Variants in SYN3 observed in about 807,000 individuals in gnomAD.
SYN3 encodes synapsin-3.
A neutral mutation model predicts 65.8 loss-of-function variants in SYN3; 35 were observed. The ratio of observed to expected loss-of-function variants is 0.53; its 90% CI spans 0.41 to 0.70. The LOEUF is 0.70. SYN3 is among the 30% of genes least tolerant of loss of function. The pLI, the probability that SYN3 is intolerant of heterozygous loss-of-function variation, is 0.00. For missense variants in SYN3, 680 were observed against 749.0 expected (o/e 0.91, Z 1.08); for synonymous variants, 270 against 292.9 (o/e 0.92, Z 0.80).
intron 6 of SYN3, among the ~76,000 whole-genome samples, chr22:32,851,598 AT>A (rs1398748442): frequency 6.6e-6 from 1 of 152,096 alleles, no homozygotes. Context: ...TGGGAATTAG[AT>A]GTAGGATCCC....
At chr22:32,858,121 C>T (rs2048425589) in intron 6 of SYN3, 1 of 1,614,086 alleles carries the variant, frequency 6.2e-7, no homozygotes, top group Non-Finnish European at 8.5e-7. Context: ...TCGGTATCAC[C>T]TGGGTTGTAA....
chr22:32,754,831 T>C, intron 6 of SYN3, among the ~76,000 whole-genome samples: 1 of 152,234 alleles, frequency 6.6e-6, no homozygotes, highest in East Asian at 1.9e-4. Flanking sequence ...TTTCCTGTGC[T>C]TTTCCTGGTG....
chr22:33,006,981 T>TA (rs1241368140), intron 1 of SYN3, among the ~76,000 whole-genome samples, 157 bp from the exon 2 acceptor site: 1 of 152,238 alleles, frequency 6.6e-6, no homozygotes, highest in Non-Finnish European at 1.5e-5. Flanking sequence ...GATAGCTTTT[T>TA]AACCTACAAT....
chr22:32,705,336 G>A (rs2060866764), intron 6 of SYN3, among the ~76,000 whole-genome samples: 1 of 152,094 alleles, frequency 6.6e-6, no homozygotes, highest in South Asian at 2.1e-4. Flanking sequence ...GCTTGTTTTT[G>A]TTGACTTTAT....
At chr22:32,542,649 TGTGTGC>T (rs1369056812) in intron 7 of SYN3, among the ~76,000 whole-genome samples, 13 of 149,318 alleles carry the variant, frequency 8.7e-5, no homozygotes, top group African/African-American at 3.0e-4. Context: ...TGTGTGTGTG[TGTGTGC>T]GCGCGCACAC....
At chr22:32,937,983 T>C (rs2050821990) in intron 3 of SYN3, among the ~76,000 whole-genome samples, 1 of 152,146 alleles carries the variant, frequency 6.6e-6, no homozygotes, top group African/African-American at 2.4e-5. Flanking sequence ...CCAAAGTTTT[T>C]CTACATTTAA....
intron 10 of SYN3, among the ~76,000 whole-genome samples, chr22:32,531,418 G>C (rs759134714): frequency 3.9e-5 from 6 of 152,090 alleles, no homozygotes; most frequent in Non-Finnish European, 8.8e-5. Context: ...CCCTGCAGTG[G>C]AAAACAGCCA....
At chr22:32,694,196 C>A (rs1473888645) in intron 6 of SYN3, among the ~76,000 whole-genome samples, 4 of 152,200 alleles carry the variant, frequency 2.6e-5, no homozygotes, top group Middle Eastern at 6.8e-3. Context: ...CATACTGAAA[C>A]ACCTATTTCT....
At chr22:32,970,886 T>A (rs2051999842) in intron 3 of SYN3, among the ~76,000 whole-genome samples, 1 of 152,242 alleles carries the variant, frequency 6.6e-6, no homozygotes, top group African/African-American at 2.4e-5. Context: ...GCATATATTC[T>A]GATAAATGTA....
intron 3 of SYN3, 95 bp from the exon 4 acceptor site, chr22:32,931,576 C>T (rs1479569969): frequency 2.6e-6 from 2 of 782,616 alleles, no homozygotes; most frequent in South Asian, 1.5e-5. Flanking sequence ...ACAAAGTACA[C>T]CTTTAAAGCT....
intron 6 of SYN3, chr22:32,862,916 T>A (rs1030761651): frequency 6.5e-6 from 1 of 152,678 alleles, no homozygotes; most frequent in African/African-American, 2.4e-5. Context: ...TGTTTACAGT[T>A]TTCCTCCATG....
chr22:32,718,912 C>A (rs2061077123), intron 6 of SYN3, among the ~76,000 whole-genome samples: 1 of 152,208 alleles, frequency 6.6e-6, no homozygotes, highest in Admixed American at 6.5e-5. Context: ...CCAACTTATT[C>A]TTTACCCACA....
At chr22:32,653,081 C>T (rs1399138664) in intron 6 of SYN3, among the ~76,000 whole-genome samples, 1 of 152,274 alleles carries the variant, frequency 6.6e-6, no homozygotes, top group East Asian at 1.9e-4. Context: ...TGTCTACCAT[C>T]TATACACAGG....
chr22:32,789,544 C>A (rs1047715338), intron 6 of SYN3, among the ~76,000 whole-genome samples: 6 of 152,152 alleles, frequency 3.9e-5, no homozygotes, highest in Admixed American at 1.3e-4. Flanking sequence ...ATGGGGTACT[C>A]CTAAGAAATG....
intron 5 of SYN3, among the ~76,000 whole-genome samples, chr22:32,865,668 C>T (rs377303185): frequency 1.2e-4 from 18 of 152,204 alleles, no homozygotes; most frequent in African/African-American, 4.3e-4. Flanking sequence ...CACTGCTCTC[C>T]TCCTGCTTCA....
At chr22:32,828,648 C>T (rs1032197996) in intron 6 of SYN3, among the ~76,000 whole-genome samples, 2 of 152,220 alleles carry the variant, frequency 1.3e-5, no homozygotes, top group African/African-American at 4.8e-5. Flanking sequence ...GATGCTACCT[C>T]ATGAGTTAGT....
intron 6 of SYN3, among the ~76,000 whole-genome samples, chr22:32,834,518 T>G (rs2146151008): frequency 6.6e-6 from 1 of 152,248 alleles, no homozygotes; most frequent in African/African-American, 2.4e-5. Context: ...AAGTGTCACA[T>G]GCAGCCACTG....
At chr22:32,866,985 G>A (rs150677144) in intron 5 of SYN3, among the ~76,000 whole-genome samples, 2 of 152,234 alleles carry the variant, frequency 1.3e-5, no homozygotes, top group African/African-American at 4.8e-5. Flanking sequence ...AACCCTACCA[G>A]GAAGGCGCTA....
At chr22:32,587,867 C>T (rs1028707308) in intron 7 of SYN3, among the ~76,000 whole-genome samples, 1 of 152,094 alleles carries the variant, frequency 6.6e-6, no homozygotes, top group African/African-American at 2.4e-5. Flanking sequence ...GACAACAAAC[C>T]CTGTACCTGC....
Sources: allele counts gnomAD v4.1 joint callset (sites outside exome capture counted in the v4.1 genomes callset), GRCh38; gene constraint gnomAD v4.1.1; transcripts MANE v1.5; gene names NCBI Gene and HGNC (gene_info 2026-07-23, HGNC 2026-07-21).